The following MMP26 variants were observed in gnomAD, a reference collection of about 807,000 sequenced individuals.
MMP26 encodes matrix metallopeptidase 26, also known as matrix metalloproteinase-26.
Under a neutral mutation model 31.0 loss-of-function variants are expected in MMP26, and 33 were observed. The ratio of observed to expected loss-of-function variants is 1.06; its 90% CI spans 0.81 to 1.42. The LOEUF (loss-of-function observed/expected upper bound fraction) is 1.42. Ranked by LOEUF, MMP26 falls within the 40% of genes most tolerant of loss-of-function variation. The pLI is 0.00. For missense variants in MMP26, 347 were observed against 316.1 expected (o/e 1.10, Z -0.74); for synonymous variants, 122 against 114.9 (o/e 1.06, Z -0.40).
intron 2 of MMP26, chr11:4,915,866 T>C (rs1490217116): frequency 1.2e-5 from 6 of 504,280 alleles, no homozygotes; most frequent in Non-Finnish European, 2.1e-5. Flanking sequence ...TGTCTCATAG[T>C]TTCAATAAGA....
intron 2 of MMP26, among the ~76,000 whole-genome samples, chr11:4,925,799 G>A (rs561008903): frequency 2.1e-4 from 32 of 150,612 alleles, no homozygotes; most frequent in African/African-American, 6.6e-4. Context: ...AGTAGGACAA[G>A]TTTGTTTGTT....
At chr11:4,961,631 C>T (rs752848078) in intron 2 of MMP26, among the ~76,000 whole-genome samples, 19 of 152,104 alleles carry the variant, frequency 1.2e-4, no homozygotes, top group Non-Finnish European at 2.2e-4. Flanking sequence ...ATGATGCAAC[C>T]GTCCTGCAGA....
At chr11:4,750,683 A>G (rs916851689) in intron 1 of MMP26, among the ~76,000 whole-genome samples, 12 of 152,076 alleles carry the variant, frequency 7.9e-5, no homozygotes, top group African/African-American at 2.4e-4. Context: ...AAAGTAAAAT[A>G]CTGCATGTTC....
At chr11:4,832,662 C>T (rs1352877504) in intron 2 of MMP26, 1 of 191,640 alleles carries the variant, frequency 5.2e-6, no homozygotes, top group South Asian at 1.1e-4. Context: ...TTTTATCCCA[C>T]TCCTACTGCC....
chr11:4,826,047 A>G (rs554221399), intron 2 of MMP26, among the ~76,000 whole-genome samples: 1 of 152,166 alleles, frequency 6.6e-6, no homozygotes, highest in African/African-American at 2.4e-5. Flanking sequence ...CATTACCCCA[A>G]GCACTGGGAT....
chr11:4,832,209 A>C (rs991916121), intron 2 of MMP26: 3 of 189,774 alleles, frequency 1.6e-5, no homozygotes, highest in Non-Finnish European at 3.4e-5. Context: ...GAGCATGCAC[A>C]CATTTGGATC....
At chr11:4,957,088 A>G (rs566691599) in intron 2 of MMP26, among the ~76,000 whole-genome samples, 2 of 152,318 alleles carry the variant, frequency 1.3e-5, no homozygotes, top group South Asian at 4.1e-4. Flanking sequence ...CTGTTATTTT[A>G]CTGATAATTA....
chr11:4,712,254 T>G (rs1395053322), intron 1 of MMP26: 1 of 152,224 alleles, frequency 6.6e-6, no homozygotes, highest in Non-Finnish European at 1.5e-5. Flanking sequence ...ACAGCCTTCA[T>G]TCTTAAGGTG....
intron 2 of MMP26, among the ~76,000 whole-genome samples, chr11:4,808,219 C>T (rs948832672): frequency 6.6e-6 from 1 of 151,972 alleles, no homozygotes; most frequent in African/African-American, 2.4e-5. Context: ...AACTAAGTAT[C>T]GAGGTGCATG....
chr11:4,933,991 G>C (rs891791535), intron 2 of MMP26, among the ~76,000 whole-genome samples: 9 of 145,398 alleles, frequency 6.2e-5, no homozygotes, highest in African/African-American at 2.3e-4. Flanking sequence ...CATTTGGCTT[G>C]GTTCCAAGTC....
At position 4,964,548 on chromosome 11, in the gene MMP26, C is replaced by A. The variant is rs550416895; in HGVS notation, c.-144-23520C>A. Among the ~76,000 whole-genome samples, 3 of 152,150 alleles carry A rather than the reference C, an allele frequency of 2.0e-5. No individual in the cohort carries two copies. In the South Asian group the frequency reaches 6.2e-4, roughly 32 times the overall value. Reference sequence around the variant, plus strand: ...ACCTAGAGGCAAAAATATCGTTCAACCCAGCAATCCCATTACTCGGTATAT... The same window carrying A: ...ACCTAGAGGCAAAAATATCGTTCAAACCAGCAATCCCATTACTCGGTATAT... On this transcript the variant is annotated intron_variant, in intron 2 of 7. Transcript: ENST00000380390.
chr11:4,847,967 G>A lies in MMP26; in HGVS notation c.-145+80626G>A, dbSNP rs948341312. 1.0e-5 allele frequency: 4 copies of A among 400,218 alleles called. No individual in the cohort carries two copies. In the South Asian group the frequency reaches 2.6e-4, roughly 26 times the overall value. The allele number at this position is 400,218 out of a possible 1,614,324, so 24.8% of individuals were successfully genotyped here. A position where few individuals can be genotyped will look rare whatever the true frequency, so the allele number is the denominator to read the frequency against. ...ACTAACAACAATAAGATAACAACAGGCACACACTTGGATAGTTGTGACAAG... is the reference window on the plus strand; with the variant it reads ...ACTAACAACAATAAGATAACAACAGACACACACTTGGATAGTTGTGACAAG... On this transcript the variant is annotated intron_variant, in intron 2 of 7. Transcript: ENST00000380390.
At chr11:4,833,931 C>G (rs1193394232) in intron 2 of MMP26, among the ~76,000 whole-genome samples, 5 of 152,240 alleles carry the variant, frequency 3.3e-5, no homozygotes, top group South Asian at 4.1e-4. Flanking sequence ...TTCCACAGGA[C>G]AAGAGTTACG....
At chr11:4,738,159 A>G (rs1028283749) in intron 1 of MMP26, among the ~76,000 whole-genome samples, 2 of 152,078 alleles carry the variant, frequency 1.3e-5, no homozygotes, top group Non-Finnish European at 2.9e-5. Flanking sequence ...CTGCTTTGGT[A>G]TCTGTCCAAG....
intron 2 of MMP26, among the ~76,000 whole-genome samples, chr11:4,799,599 G>A (rs7938153): frequency 0.37 from 55,836 of 151,884 alleles, 11,329 homozygotes; most frequent in African/African-American, 0.51. Context: ...TCCTTCTCAC[G>A]TTGCAAAATA....
intron 1 of MMP26, among the ~76,000 whole-genome samples, chr11:4,756,013 T>C (rs1488909687): frequency 1.3e-5 from 2 of 152,028 alleles, no homozygotes; most frequent in African/African-American, 4.8e-5. Context: ...GTTATCAGTA[T>C]CTCAAATGTA....
chr11:4,977,672 T>G (rs1353260950), intron 2 of MMP26, among the ~76,000 whole-genome samples: 3 of 152,052 alleles, frequency 2.0e-5, no homozygotes, highest in African/African-American at 7.2e-5. Flanking sequence ...AAGCAGCTTT[T>G]TCAGAATTCA....
intron 2 of MMP26, chr11:4,769,195 G>A (rs766804730): frequency 1.9e-6 from 3 of 1,613,880 alleles, no homozygotes; most frequent in Non-Finnish European, 2.5e-6. Flanking sequence ...AGACACAGGT[G>A]CTGAAGACCT....
At chr11:4,931,602 G>C (rs1447635009) in intron 2 of MMP26, among the ~76,000 whole-genome samples, 4 of 151,860 alleles carry the variant, frequency 2.6e-5, no homozygotes, top group South Asian at 4.2e-4. Context: ...GGTAGCAAGG[G>C]CATGTAACAC....
Sources: gnomAD v4.1 joint callset for allele counts (sites outside exome capture counted in the v4.1 genomes callset) on GRCh38, gnomAD v4.1.1 for gene constraint, MANE v1.5 for transcripts, NCBI Gene and HGNC (gene_info 2026-07-23, HGNC 2026-07-21) for gene names.